Variants in METTL6 observed in about 807,000 individuals in gnomAD.
METTL6 encodes the protein tRNA N(3)-cytidine methyltransferase METTL6.
A neutral mutation model predicts 26.4 loss-of-function variants in METTL6; 22 were observed. The ratio of observed to expected loss-of-function variants is 0.83; its 90% confidence interval spans 0.59 to 1.19. The LOEUF (loss-of-function observed/expected upper bound fraction) is 1.19, where lower values mean the gene tolerates loss of function less well. METTL6 is among the 50% of genes most tolerant of loss of function. METTL6 has a pLI of 0.00. For missense variants in METTL6, 304 were observed against 324.8 expected (o/e 0.94, Z 0.49); for synonymous variants, 109 against 116.2 (o/e 0.94, Z 0.40).
chr3:15,396,114 C>T (rs538957851), intron 6 of METTL6, among the ~76,000 whole-genome samples: 159 of 152,274 alleles, frequency 1.0e-3, no homozygotes, highest in African/African-American at 3.2e-3. Flanking sequence ...CCATTCTCCC[C>T]GTCACTTGCA....
downstream of METTL6, among the ~76,000 whole-genome samples, chr3:15,405,325 T>C (rs922671702): frequency 6.6e-6 from 1 of 152,226 alleles, no homozygotes; most frequent in African/African-American, 2.4e-5. Flanking sequence ...GAAAGTAGAC[T>C]GAACATTAGG....
At chr3:15,423,511 T>C (rs117073746) in intron 3 of METTL6, among the ~76,000 whole-genome samples, 2 of 152,270 alleles carry the variant, frequency 1.3e-5, no homozygotes, top group East Asian at 3.9e-4. Flanking sequence ...GGAGGGAGGA[T>C]TGCTTGAGCT....
At chr3:15,426,685 G>A in intron 1 of METTL6, 50 bp from the exon 2 acceptor site, 1 of 625,766 alleles carries the variant, frequency 1.6e-6, no homozygotes, top group Non-Finnish European at 2.8e-6. Flanking sequence ...AGTTCAAGAC[G>A]CCAGGTTCAA....
At chr3:15,396,705 G>C (rs964833036) in intron 6 of METTL6, among the ~76,000 whole-genome samples, 7 of 152,302 alleles carry the variant, frequency 4.6e-5, no homozygotes, top group African/African-American at 1.7e-4. Context: ...CCTTCTAACA[G>C]TCAGGACCCT....
At chr3:15,395,709 T>G (rs1365026224) in intron 6 of METTL6, among the ~76,000 whole-genome samples, 1 of 152,214 alleles carries the variant, frequency 6.6e-6, no homozygotes, top group Non-Finnish European at 1.5e-5. Flanking sequence ...TGACAAAATC[T>G]CTCAGCATTT....
chr3:15,406,616 A>C (rs1699800245), downstream of METTL6, among the ~76,000 whole-genome samples: 1 of 101,988 alleles, frequency 9.8e-6, no homozygotes, highest in South Asian at 3.7e-4. Context: ...ATATATATAT[A>C]TATATATATA....
rs200185069 is a variant in METTL6 at position 15,426,486 on chromosome 3, A to G, written c.26T>C (p.Leu9Pro). The change falls in exon 2 of 6, where the codon CTG becomes CCG. Residue 9 changes from leucine (L) to proline (P), a missense_variant. By Grantham distance (98) the Leu-to-Pro change is moderately conservative. Transcript: ENST00000383790. The stretch of plus-strand genomic sequence containing the variant: ...TTCAGAGGTGAGAATCCTTGCCTGC[A>G]GCCCTTTCCTTTGCAAAGAAGCCAT... MASLQRKG[L>P]QARILTSEEE... 3.2e-4 allele frequency: 514 copies of G among 1,613,836 alleles called. No homozygotes were observed. The highest frequency in any genetic ancestry group is 3.8e-4 in the Non-Finnish European group (453 of 1,180,010).
At chr3:15,406,128 T>C (rs1490688134), downstream of METTL6, among the ~76,000 whole-genome samples, 1 of 151,968 alleles carries the variant, frequency 6.6e-6, no homozygotes, top group Non-Finnish European at 1.5e-5. Flanking sequence ...ATAGTATTTA[T>C]ACTATTTTTT....
chr3:15,416,133 C>T (rs1382966824), intron 3 of METTL6, among the ~76,000 whole-genome samples, 191 bp from the exon 4 acceptor site: 1 of 152,212 alleles, frequency 6.6e-6, no homozygotes, highest in East Asian at 1.9e-4. Context: ...AGGAGCAAGA[C>T]TTCATTTTAA....
intron 1 of METTL6, among the ~76,000 whole-genome samples, chr3:15,427,116 A>G (rs2061742865): frequency 3.9e-5 from 6 of 152,176 alleles, no homozygotes; most frequent in Admixed American, 3.9e-4. Flanking sequence ...GATCACACTC[A>G]CAAGAGGCTG....
At chr3:15,426,970 T>C (rs2061739742) in intron 1 of METTL6, among the ~76,000 whole-genome samples, 1 of 152,090 alleles carries the variant, frequency 6.6e-6, no homozygotes. Flanking sequence ...GCGAAAGGGG[T>C]GACTTAAAAA....
intron 4 of METTL6, chr3:15,415,467 C>T: frequency 6.4e-7 from 1 of 1,563,020 alleles, no homozygotes. Context: ...AAACTGTGTA[C>T]TCTTGACCAC....
intron 6 of METTL6, among the ~76,000 whole-genome samples, chr3:15,401,536 CAAAA>C (rs35578326): frequency 2.8e-5 from 2 of 71,860 alleles, no homozygotes; most frequent in Non-Finnish European, 5.3e-5. Flanking sequence ...ATGTTCACGC[CAAAA>C]AAAAAAAAAA....
At chr3:15,390,652 C>T (rs962080104) in intron 6 of METTL6, among the ~76,000 whole-genome samples, 3 of 152,172 alleles carry the variant, frequency 2.0e-5, no homozygotes, top group African/African-American at 4.8e-5. Flanking sequence ...GGAGCAGGCT[C>T]GGTGCAGGCC....
chr3:15,385,662 C>A (rs1699173560), intron 6 of METTL6, among the ~76,000 whole-genome samples: 1 of 152,132 alleles, frequency 6.6e-6, no homozygotes, highest in South Asian at 2.1e-4. Flanking sequence ...GAGTTCAAGA[C>A]CAGCCTGGTC....
At position 15,409,832 on chromosome 3, in the gene METTL6, T is replaced by C. The variant is rs116074214; in HGVS notation, c.*1424A>G. On this transcript the variant is annotated 3_prime_UTR_variant, in exon 6 of 6. Transcript: ENST00000383790. ...GTTTTGAAGAAATACATAACTGAAC[T>C]AAAGGGGAGACCAATGGGCAAATAT... Among the ~76,000 whole-genome samples, 1,796 of 152,192 alleles carry C rather than the reference T, an allele frequency of 0.012. 18 individuals carry two copies. Among genetic ancestry groups the C allele is most frequent in the African/African-American group, 0.02 (846 of 41,518 alleles).
chr3:15,409,131 G>A (rs576527664), downstream of METTL6, among the ~76,000 whole-genome samples: 8 of 152,264 alleles, frequency 5.3e-5, no homozygotes, highest in South Asian at 8.3e-4. Flanking sequence ...CACCCAGCAC[G>A]CACAGTGTGA....
intron 3 of METTL6, among the ~76,000 whole-genome samples, chr3:15,421,362 A>C (rs544544225): frequency 1.3e-5 from 2 of 152,380 alleles, no homozygotes; most frequent in African/African-American, 4.8e-5. Context: ...TAGAAGGACA[A>C]GTCAAACTGT....
exon 7 of METTL6, chr3:15,383,436 C>T (rs1283647862): frequency 6.8e-5 from 10 of 148,106 alleles, no homozygotes; most frequent in African/African-American, 2.5e-4. Context: ...CAGGGTATTG[C>T]TATGTTGCCC....
Sources: allele counts gnomAD v4.1 joint callset (sites outside exome capture counted in the v4.1 genomes callset), GRCh38; gene constraint gnomAD v4.1.1; transcripts MANE v1.5; gene names NCBI Gene and HGNC (gene_info 2026-07-23, HGNC 2026-07-21).